Variants in PIK3R1 observed in about 807,000 individuals in gnomAD.
PIK3R1 encodes phosphatidylinositol 3-kinase regulatory subunit alpha.
A neutral mutation model predicts 98.0 loss-of-function variants in PIK3R1; 29 were observed. The ratio of observed to expected loss-of-function variants is 0.30; its 90% CI spans 0.22 to 0.40. PIK3R1 has a LOEUF of 0.40. Among genes scored for constraint, PIK3R1 ranks in the 10% least tolerant of loss-of-function variants. The probability of loss-of-function intolerance (pLI) is 1.00; values close to 1 mark genes in which losing one functional copy is unlikely to be tolerated. For missense variants in PIK3R1, 596 were observed against 872.7 expected (o/e 0.68, Z 3.99); for synonymous variants, 282 against 311.8 (o/e 0.90, Z 1.01).
intron 7 of PIK3R1, among the ~76,000 whole-genome samples, chr5:68,288,079 A>AT (rs1156819512): frequency 1.3e-5 from 2 of 151,840 alleles, no homozygotes; most frequent in East Asian, 1.9e-4. Context: ...CTTTGATTCT[A>AT]TTTTTTGCTG....
chr5:68,247,886 T>C (rs983653906), intron 2 of PIK3R1, among the ~76,000 whole-genome samples: 1 of 152,180 alleles, frequency 6.6e-6, no homozygotes, highest in African/African-American at 2.4e-5. Flanking sequence ...ATAACTGCCC[T>C]AAACGGCATC....
At chr5:68,250,418 T>G (rs1396350479) in intron 2 of PIK3R1, among the ~76,000 whole-genome samples, 3 of 152,224 alleles carry the variant, frequency 2.0e-5, no homozygotes, top group Non-Finnish European at 4.4e-5. Context: ...ACATCAGTGA[T>G]GAAAGTCAGG....
intron 4 of PIK3R1, among the ~76,000 whole-genome samples, chr5:68,275,384 GA>G (rs1303150959): frequency 6.6e-6 from 1 of 152,156 alleles, no homozygotes; most frequent in South Asian, 2.1e-4. Flanking sequence ...GTTTGGGTCA[GA>G]AAATTGGTCA....
Position 68,299,779 on chromosome 5 carries a change from C to T in PIK3R1, c.*2178C>T, listed in dbSNP as rs1747937393. The T allele has an allele frequency of 1.3e-5, 3 of 232,972 alleles. No homozygotes were observed. The Admixed American group carries it at 1.7e-4, about 13-fold the overall frequency. The allele number at this position is 232,972 out of a possible 1,614,324, so 14.4% of individuals were successfully genotyped here. On this transcript the variant is annotated 3_prime_UTR_variant, in exon 16 of 16. Transcript: ENST00000521381. ...AAAATCTGTGGAATGTATTATTTGT[C>T]CTCTTTACATGAAACTACTCATACT...
chr5:68,292,963 G>A (rs1428537662), intron 8 of PIK3R1, 138 bp from the exon 9 acceptor site: 2 of 702,348 alleles, frequency 2.8e-6, no homozygotes, highest in Non-Finnish European at 4.7e-6. Flanking sequence ...TGGGCAGGAG[G>A]AATATGGGCA....
At position 68,300,689 on chromosome 5, in the gene PIK3R1, AGTT is replaced by A. The variant is rs1451785301; in HGVS notation, c.*3093_*3095del. On this transcript the variant is annotated 3_prime_UTR_variant, in exon 16 of 16. Coordinates refer to ENST00000521381, the MANE Select transcript of PIK3R1 (RefSeq NM_181523.3). ...CTTTCAGCCAAAACAGATCCACAGTAGTTGTTGAGTTCAAGTACATAAAGTACA... is the reference window on the plus strand; with the variant it reads ...CTTTCAGCCAAAACAGATCCACAGTAGTTGAGTTCAAGTACATAAAGTACA... 8.6e-6 allele frequency: 2 copies of A among 233,206 alleles called. No individual in the cohort carries two copies. The highest frequency in any genetic ancestry group is 2.2e-5 in the African/African-American group (1 of 45,366). 14.4% of individuals were successfully genotyped at this position (233,206 alleles called of 1,614,324 possible).
Position 68,250,381 on chromosome 5 carries a change from C to T in PIK3R1, c.335-23009C>T, listed in dbSNP as rs894041657. On this transcript the variant is annotated intron_variant, in intron 2 of 15. Transcript: ENST00000521381. ...CCTGCCTTCCAGCCCTTTGCTTTTC[C>T]CCAGCTCCGTCAGCTCCTTGCCTCT... Among the ~76,000 whole-genome samples, 12 of 152,310 alleles carry T rather than the reference C, an allele frequency of 7.9e-5. No individual in the cohort carries two copies. The East Asian group carries it at 2.3e-3, about 29-fold the overall frequency.
In PIK3R1 at chr5:68,290,909, A is replaced by T. The variant is rs1388665470; in HGVS notation, c.917-1350A>T. On this transcript the variant is annotated intron_variant, in intron 7 of 15. Coordinates refer to ENST00000521381, the MANE Select transcript of PIK3R1 (RefSeq NM_181523.3). ...AATTTTTCGAAAGCTACTGTAAAAG[A>T]TCCTTTTTGGATTTCTGTTTTTATT... The T allele has an allele frequency of 3.2e-6, 3 of 928,144 alleles. No individual in the cohort carries two copies. The African/African-American group carries it at 5.1e-5, about 16-fold the overall frequency. The allele number at this position is 928,144 out of a possible 1,614,324, so 57.5% of individuals were successfully genotyped here.
chr5:68,286,273 C>T (rs1747074647), intron 7 of PIK3R1, among the ~76,000 whole-genome samples: 1 of 152,156 alleles, frequency 6.6e-6, no homozygotes. Context: ...TCCAGTGTGT[C>T]TAGGCCTTTG....
intron 2 of PIK3R1, among the ~76,000 whole-genome samples, chr5:68,232,811 A>G (rs972918117): frequency 6.6e-6 from 1 of 152,180 alleles, no homozygotes; most frequent in African/African-American, 2.4e-5. Flanking sequence ...GTGTCCTTAT[A>G]TGTATATCCT....
intron 2 of PIK3R1, among the ~76,000 whole-genome samples, chr5:68,234,066 C>T (rs558022195): frequency 7.9e-4 from 121 of 152,226 alleles, no homozygotes; most frequent in South Asian, 6.2e-4. Context: ...ATCTGATATC[C>T]AAGATCGTAA....
chr5:68,262,546 C>CTATA (rs138447496), intron 2 of PIK3R1, among the ~76,000 whole-genome samples: 95,573 of 139,626 alleles, frequency 0.68, 33,674 homozygotes, highest in African/African-American at 0.79. Context: ...AGATACATAT[C>CTATA]TAATGTATAC....
chr5:68,293,214 A>G lies in PIK3R1; in HGVS notation c.1118+15A>G, dbSNP rs761508582. On this transcript the variant is annotated intron_variant, in intron 9 of 15. Coordinates refer to ENST00000521381, the MANE Select transcript of PIK3R1 (RefSeq NM_181523.3). ...CTTACACTAAGGTAAGCCAGGGAAT[A>G]TAGCTGAAATTAGGGTTTTGGGCTG... The G allele has an allele frequency of 9.3e-6, 15 of 1,607,260 alleles. No homozygotes were observed. The highest frequency in any genetic ancestry group is 1.3e-5 in the Non-Finnish European group (15 of 1,174,476).
At chr5:68,290,896 G>C (rs889166635) in intron 7 of PIK3R1, 83 of 1,089,306 alleles carry the variant, frequency 7.6e-5, no homozygotes, top group Non-Finnish European at 1.0e-4. Flanking sequence ...TTTTTCGAAA[G>C]CTACTGTAAA....
Position 68,226,895 on chromosome 5 carries a change from G to A in PIK3R1, c.220G>A (p.Val74Ile), listed in dbSNP as rs755953968. Residue 74 changes from valine (V) to isoleucine (I), a missense_variant, in exon 2 of 16, where the codon GTA (valine) becomes ATA (isoleucine). Val to Ile is a conservative substitution (Grantham distance 29). This residue lies in a region of PIK3R1 where 352 missense variants were observed against 393.3 expected (regional missense o/e 0.90). Transcript: ENST00000521381. Reference protein sequence around the residue: ...GERGDFPGTYVEYIGRKKISP... With the variant: ...GERGDFPGTYIEYIGRKKISP... ...AAGGGGGGACTTTCCGGGAACTTAC[G>A]TAGAATATATTGGAAGGAAAAAAAT... 11 of 1,613,916 alleles carry A rather than the reference G, an allele frequency of 6.8e-6. No homozygotes were observed. The highest frequency in any genetic ancestry group is 2.2e-5 in the East Asian group (1 of 44,898).
intron 2 of PIK3R1, among the ~76,000 whole-genome samples, chr5:68,257,991 A>G (rs1745591262): frequency 6.6e-6 from 1 of 152,232 alleles, no homozygotes; most frequent in South Asian, 2.1e-4. Context: ...TTTAGAAGAC[A>G]TAGTTTTCCC....
intron 2 of PIK3R1, among the ~76,000 whole-genome samples, chr5:68,261,503 T>C (rs180844650): frequency 2.0e-5 from 3 of 149,042 alleles, no homozygotes. Flanking sequence ...AATACTCTTT[T>C]AAAAAAAAAA....
chr5:68,262,386 T>TATATATATATATATATATATATATATATA (rs576101819), intron 2 of PIK3R1, among the ~76,000 whole-genome samples: 2 of 138,548 alleles, frequency 1.4e-5, no homozygotes, highest in Non-Finnish European at 3.1e-5. Flanking sequence ...TCTATAATTT[T>TATATATATATATATATATATATATATATA]TATATATATA....
chr5:68,271,290 G>A (rs961479539), intron 2 of PIK3R1, among the ~76,000 whole-genome samples: 127 of 152,210 alleles, frequency 8.3e-4, no homozygotes, highest in Admixed American at 4.6e-3. Flanking sequence ...ATGGCCAGTC[G>A]TTTGTGCTTC....
Sources: gnomAD v4.1 joint callset for allele counts (sites outside exome capture counted in the v4.1 genomes callset) on GRCh38, gnomAD v4.1.1 for gene constraint, gnomAD v4.1.1 regional missense constraint, MANE v1.5 for transcripts, NCBI Gene and HGNC (gene_info 2026-07-23, HGNC 2026-07-21) for gene names.